CNTLN: variants seen among roughly 807,000 people sequenced by gnomAD.
CNTLN encodes centlein, centrosomal protein.
A neutral mutation model predicts 180.0 loss-of-function variants in CNTLN; 212 were observed. The ratio of observed to expected loss-of-function variants is 1.18; its 90% CI spans 1.05 to 1.32. CNTLN has a LOEUF of 1.32. Among genes scored for constraint, CNTLN ranks in the 40% most tolerant of loss-of-function variants. The pLI is 0.00. For synonymous variants in CNTLN, 722 were observed against 563.1 expected, an observed-to-expected ratio of 1.28 and a Z score of -3.99; for missense variants, 2,095 against 1,610.9, an observed-to-expected ratio of 1.30 and a Z score of -5.14.
intron 23 of CNTLN, among the ~76,000 whole-genome samples, chr9:17,483,509 C>G (rs1328414919): frequency 1.3e-5 from 2 of 152,190 alleles, no homozygotes; most frequent in Non-Finnish European, 2.9e-5. Flanking sequence ...ATTATTTATT[C>G]TAACATTGCT....
intron 2 of CNTLN, among the ~76,000 whole-genome samples, chr9:17,215,329 T>G (rs1823660675): frequency 6.6e-6 from 1 of 152,222 alleles, no homozygotes; most frequent in Non-Finnish European, 1.5e-5. Context: ...GCAGAACCTC[T>G]TTGCCTGGGT....
At chr9:17,176,979 T>C (rs1177064628) in intron 2 of CNTLN, among the ~76,000 whole-genome samples, 1 of 152,220 alleles carries the variant, frequency 6.6e-6, no homozygotes, top group Non-Finnish European at 1.5e-5. Context: ...CTTGTCAGTC[T>C]GCTAGAAGTT....
At chr9:17,375,596 A>C (rs981896845) in intron 13 of CNTLN, among the ~76,000 whole-genome samples, 1 of 152,102 alleles carries the variant, frequency 6.6e-6, no homozygotes, top group East Asian at 1.9e-4. Flanking sequence ...AAGTTTTCCT[A>C]GTTTTGTTTG....
intron 23 of CNTLN, among the ~76,000 whole-genome samples, chr9:17,475,860 A>C (rs1022654587): frequency 4.7e-5 from 6 of 126,568 alleles, no homozygotes; most frequent in Non-Finnish European, 8.6e-5. Flanking sequence ...GTGACAGAGC[A>C]AGACTCTCTC....
intron 2 of CNTLN, among the ~76,000 whole-genome samples, chr9:17,205,035 A>G (rs1305536058): frequency 6.6e-6 from 1 of 152,162 alleles, no homozygotes; most frequent in Non-Finnish European, 1.5e-5. Context: ...TGCCCCTCCT[A>G]TCACCAAGCT....
intron 2 of CNTLN, among the ~76,000 whole-genome samples, chr9:17,212,139 C>T (rs1273181952): frequency 6.6e-6 from 1 of 152,150 alleles, no homozygotes; most frequent in Non-Finnish European, 1.5e-5. Flanking sequence ...TGCCAGTTTT[C>T]AAAGGGAATG....
At chr9:17,268,696 C>T (rs1156734473) in intron 5 of CNTLN, among the ~76,000 whole-genome samples, 1 of 152,106 alleles carries the variant, frequency 6.6e-6, no homozygotes, top group African/African-American at 2.4e-5. Flanking sequence ...CCACCCAGTT[C>T]CAGCTTCAGG....
At chr9:17,216,577 A>C (rs1375626775) in intron 2 of CNTLN, among the ~76,000 whole-genome samples, 1 of 152,172 alleles carries the variant, frequency 6.6e-6, no homozygotes, top group Non-Finnish European at 1.5e-5. Flanking sequence ...ATTTAATTTC[A>C]TAGTAAAGGA....
At chr9:17,298,088 A>T in intron 6 of CNTLN, 102 bp from the exon 7 acceptor site, 1 of 964,278 alleles carries the variant, frequency 1.0e-6, no homozygotes, top group Non-Finnish European at 1.4e-6. Context: ...CAAATAACAG[A>T]TGCAAAACAG....
intron 7 of CNTLN, among the ~76,000 whole-genome samples, chr9:17,303,137 C>T (rs553761596): frequency 6.6e-6 from 1 of 152,228 alleles, no homozygotes; most frequent in South Asian, 2.1e-4. Flanking sequence ...AAACAGCTAC[C>T]TGTGTAGAAT....
chr9:17,310,326 T>C (rs1371282023), intron 8 of CNTLN, among the ~76,000 whole-genome samples: 1 of 152,168 alleles, frequency 6.6e-6, no homozygotes, highest in African/African-American at 2.4e-5. Context: ...AAAAATGATA[T>C]AATGTGTTGT....
chr9:17,497,294 G>A (rs1161344229), intron 25 of CNTLN, among the ~76,000 whole-genome samples: 1 of 152,076 alleles, frequency 6.6e-6, no homozygotes, highest in East Asian at 1.9e-4. Flanking sequence ...CAAGTTTTGG[G>A]GACGAGAATT....
chr9:17,231,922 T>C (rs369143805), intron 3 of CNTLN, among the ~76,000 whole-genome samples: 9 of 152,014 alleles, frequency 5.9e-5, no homozygotes, highest in African/African-American at 2.2e-4. Flanking sequence ...TCATGGCTTA[T>C]CTGTAATAAA....
intron 8 of CNTLN, among the ~76,000 whole-genome samples, chr9:17,314,763 TTC>T (rs1323767981): frequency 6.6e-6 from 1 of 152,218 alleles, no homozygotes; most frequent in Non-Finnish European, 1.5e-5. Flanking sequence ...CATTTGATCA[TTC>T]TCTGTTACCT....
chr9:17,460,918 AG>A (rs546244889), intron 19 of CNTLN, among the ~76,000 whole-genome samples: 61 of 151,772 alleles, frequency 4.0e-4, no homozygotes, highest in African/African-American at 1.4e-3. Context: ...ATGCGTATTA[AG>A]GGGTAGGATG....
At chr9:17,206,420 G>C (rs1021199551) in intron 2 of CNTLN, among the ~76,000 whole-genome samples, 10 of 152,118 alleles carry the variant, frequency 6.6e-5, no homozygotes, top group Admixed American at 1.3e-4. Context: ...CATTAAATAC[G>C]CTTACCACAG....
In CNTLN at chr9:17,466,960, T is replaced by C. The variant is rs960365787; in HGVS notation, c.3855+69T>C. The C allele has an allele frequency of 1.2e-5, 13 of 1,071,570 alleles. No individual in the cohort carries two copies. The African/African-American group carries it at 1.3e-4, about 11-fold the overall frequency. 66.4% of individuals were successfully genotyped at this position (1,071,570 alleles called of 1,614,324 possible). On this transcript the variant is annotated intron_variant, in intron 23 of 25. Coordinates refer to ENST00000380647, the MANE Select transcript of CNTLN (RefSeq NM_017738.4). ...CAGATAGGCAGTAGCCTACTTGAGA[T>C]GATTTGGGGAATAAAGTTTCTTTCT...
chr9:17,417,820 A>G (rs891712657), intron 18 of CNTLN, among the ~76,000 whole-genome samples: 17 of 151,838 alleles, frequency 1.1e-4, no homozygotes, highest in Non-Finnish European at 1.9e-4. Context: ...CCTTTCTTCT[A>G]ATTTTTGAGG....
intron 6 of CNTLN, among the ~76,000 whole-genome samples, chr9:17,284,666 C>T (rs1037006502): frequency 6.6e-6 from 1 of 152,034 alleles, no homozygotes; most frequent in African/African-American, 2.4e-5. Context: ...ATTAGTCTAG[C>T]TTGCAGTCTA....
Sources: gnomAD v4.1 joint callset for allele counts (sites outside exome capture counted in the v4.1 genomes callset) on GRCh38, gnomAD v4.1.1 for gene constraint, MANE v1.5 for transcripts, NCBI Gene and HGNC (gene_info 2026-07-23, HGNC 2026-07-21) for gene names.